Variants in CDH18 observed in about 807,000 individuals in gnomAD.
CDH18 encodes the protein cadherin-18.
CDH18 carries 31 observed loss-of-function variants against 67.9 expected under a neutral mutation model. The ratio of observed to expected loss-of-function variants is 0.46; its 90% CI spans 0.34 to 0.62. The LOEUF (loss-of-function observed/expected upper bound fraction) is 0.62. Ranked by LOEUF, CDH18 falls within the 20% of genes least tolerant of loss-of-function variation. CDH18 has a pLI of 0.01. For synonymous variants in CDH18, 362 were observed against 347.2 expected (o/e 1.04, Z -0.48); for missense variants, 890 against 975.5 (o/e 0.91, Z 1.17).
chr5:20,023,583 C>T (rs1002652866), intron 2 of CDH18, among the ~76,000 whole-genome samples: 4 of 149,400 alleles, frequency 2.7e-5, no homozygotes, highest in Non-Finnish European at 5.9e-5. Flanking sequence ...GGCGTGAACC[C>T]GGGAGGCGGA....
Position 20,382,843 on chromosome 5 carries a change from T to G in CDH18, c.-579-127338A>C, listed in dbSNP as rs556719805. ...ATTGTAACTACAGTGTGGACTGTTTTTTTCTCCACAGCTATCAACACCTTA... is the reference window on the plus strand; with the variant it reads ...ATTGTAACTACAGTGTGGACTGTTTGTTTCTCCACAGCTATCAACACCTTA... On this transcript the variant is annotated intron_variant, in intron 1 of 14. Coordinates refer to the CDH18 transcript ENST00000507958. Among the ~76,000 whole-genome samples, 32 of 152,262 alleles carry G rather than the reference T, an allele frequency of 2.1e-4. 1 individual carries two copies. The highest frequency in any genetic ancestry group is 4.4e-4 in the Non-Finnish European group (30 of 68,000).
chr5:20,543,686 G>A (rs1371217788), intron 1 of CDH18, among the ~76,000 whole-genome samples: 2 of 151,998 alleles, frequency 1.3e-5, no homozygotes, highest in African/African-American at 4.8e-5. Context: ...CTAAATATGT[G>A]CAAAGATGTA....
At chr5:19,628,703 A>G (rs970247450) in intron 5 of CDH18, among the ~76,000 whole-genome samples, 2 of 152,064 alleles carry the variant, frequency 1.3e-5, no homozygotes, top group African/African-American at 4.8e-5. Context: ...CAGAGACTCA[A>G]GCAGACATAT....
chr5:20,073,016 AC>A lies in CDH18; in HGVS notation c.-517-81003del, dbSNP rs142561657. Among the ~76,000 whole-genome samples the A allele has an allele frequency of 6.4e-3, 968 of 152,084 alleles. 18 individuals carry two copies. The highest frequency in any genetic ancestry group is 0.021 in the African/African-American group (871 of 41,560). The stretch of plus-strand genomic sequence containing the variant: ...CAGAAATAGGGTCATTAGCTCTTAA[AC>A]ATATTTCTTAGTGTTTTTCTCATTA... On this transcript the variant is annotated intron_variant, in intron 2 of 14. Transcript: ENST00000507958.
chr5:19,760,607 A>G (rs1483484103), intron 3 of CDH18, among the ~76,000 whole-genome samples: 1 of 152,106 alleles, frequency 6.6e-6, no homozygotes, highest in Non-Finnish European at 1.5e-5. Flanking sequence ...TCCTTCCACC[A>G]TTATCCCACA....
chr5:19,746,480 G>A (rs1770012902), intron 4 of CDH18, among the ~76,000 whole-genome samples: 1 of 152,180 alleles, frequency 6.6e-6, no homozygotes, highest in African/African-American at 2.4e-5. Context: ...ATTGATTAAT[G>A]TAGCAACAGC....
intron 10 of CDH18, among the ~76,000 whole-genome samples, chr5:19,512,553 T>C (rs1745287127): frequency 6.6e-6 from 1 of 152,156 alleles, no homozygotes; most frequent in Non-Finnish European, 1.5e-5. Flanking sequence ...GCAAATGGTC[T>C]AGTGTTTCAA....
At chr5:20,366,664 C>A (rs183759025) in intron 1 of CDH18, among the ~76,000 whole-genome samples, 2 of 152,260 alleles carry the variant, frequency 1.3e-5, no homozygotes, top group Admixed American at 1.3e-4. Context: ...AATAATAATT[C>A]ATCAACAGAG....
chr5:20,026,960 T>TA (rs1213316442), intron 2 of CDH18, among the ~76,000 whole-genome samples: 1,686 of 135,234 alleles, frequency 0.012, 38 homozygotes, highest in African/African-American at 0.044. Flanking sequence ...GTTTCAAACA[T>TA]AAAAAAAAAA....
At chr5:19,765,086 C>T (rs552642968) in intron 3 of CDH18, among the ~76,000 whole-genome samples, 2 of 152,246 alleles carry the variant, frequency 1.3e-5, no homozygotes, top group South Asian at 4.1e-4. Flanking sequence ...ATTTCTATAC[C>T]TTTATTCAGC....
chr5:19,483,944 T>C (rs895893012), intron 11 of CDH18, among the ~76,000 whole-genome samples: 2 of 152,266 alleles, frequency 1.3e-5, no homozygotes, highest in Middle Eastern at 3.4e-3. Context: ...ATATAGGTAA[T>C]AGGAGCACAA....
intron 5 of CDH18, among the ~76,000 whole-genome samples, chr5:19,711,090 T>C (rs971560520): frequency 1.3e-5 from 2 of 151,940 alleles, no homozygotes; most frequent in African/African-American, 4.8e-5. Flanking sequence ...TCATTATATA[T>C]AAAAATTATC....
chr5:20,089,537 T>C (rs988266984), intron 2 of CDH18, among the ~76,000 whole-genome samples: 2 of 152,148 alleles, frequency 1.3e-5, no homozygotes, highest in Non-Finnish European at 2.9e-5. Context: ...CATTTTGACT[T>C]AGATAGATTA....
In CDH18 at chr5:19,745,543, A is replaced by C. The variant is rs559146980; in HGVS notation, c.523+1399T>G. Among the ~76,000 whole-genome samples, 7 of 152,324 alleles carry C rather than the reference A, an allele frequency of 4.6e-5. No individual in the cohort carries two copies. In the South Asian group the frequency reaches 1.2e-3, roughly 27 times the overall value. On this transcript the variant is annotated intron_variant, in intron 4 of 12. Coordinates refer to ENST00000382275, the MANE Select transcript of CDH18 (RefSeq NM_004934.5). ...AGAGGAGATTAGGTTTGTGGGTATC[A>C]GTTCCTTGATGTGGCAGAGAGAATT...
In CDH18 at chr5:19,708,527, C is replaced by A. The variant is rs186492852; in HGVS notation, c.643+12820G>T. On this transcript the variant is annotated intron_variant, in intron 5 of 12. Transcript: ENST00000382275. The stretch of plus-strand genomic sequence containing the variant: ...CCCCAAAACTGGCCATAAACAAAAT[C>A]TCTGCAGCACTGTGACATACTCCTG... Among the ~76,000 whole-genome samples, 1,016 of 152,260 alleles carry A rather than the reference C, an allele frequency of 6.7e-3. 15 individuals are homozygous for A. Among genetic ancestry groups the A allele is most frequent in the African/African-American group, 0.023 (962 of 41,552 alleles).
At chr5:20,360,136 T>C (rs956175889) in intron 1 of CDH18, among the ~76,000 whole-genome samples, 1 of 80,002 alleles carries the variant, frequency 1.2e-5, no homozygotes, top group Non-Finnish European at 3.1e-5. Flanking sequence ...TTATATATAA[T>C]TCTATAATAT....
Position 19,824,032 on chromosome 5 carries a change from G to A in CDH18, c.228+14727C>T, listed in dbSNP as rs151235248. Among the ~76,000 whole-genome samples the A allele has an allele frequency of 4.2e-3, 631 of 149,636 alleles. 2 individuals are homozygous for A. The highest frequency in any genetic ancestry group is 6.3e-3 in the Non-Finnish European group (422 of 67,244). The stretch of plus-strand genomic sequence containing the variant: ...CTTAACATCACAACTAGGGGAAATA[G>A]AAATACAAAAAAAAATAAAAAATAA... On this transcript the variant is annotated intron_variant, in intron 3 of 12. Coordinates refer to ENST00000382275, the MANE Select transcript of CDH18 (RefSeq NM_004934.5).
chr5:19,922,728 A>T (rs538772224), intron 2 of CDH18, among the ~76,000 whole-genome samples: 1 of 152,148 alleles, frequency 6.6e-6, no homozygotes, highest in Non-Finnish European at 1.5e-5. Flanking sequence ...TAATTTTACT[A>T]ACCTTTGAGA....
Position 19,735,045 on chromosome 5 carries a change from C to T in CDH18, c.523+11897G>A, listed in dbSNP as rs555983525. 2.6e-5 allele frequency among the ~76,000 whole-genome samples: 4 copies of T among 152,104 alleles called. No homozygotes were observed. The South Asian group carries it at 6.2e-4, about 24-fold the overall frequency. On this transcript the variant is annotated intron_variant, in intron 4 of 12. Transcript: ENST00000382275. ...GAGGCAAATGCTGCTGAGTCACTACCCTCCATAACACAGGTGAGTGTTTGC... is the reference window on the plus strand; with the variant it reads ...GAGGCAAATGCTGCTGAGTCACTACTCTCCATAACACAGGTGAGTGTTTGC...
Sources: allele counts gnomAD v4.1 joint callset (sites outside exome capture counted in the v4.1 genomes callset), GRCh38; gene constraint gnomAD v4.1.1; transcripts MANE v1.5; gene names NCBI Gene and HGNC (gene_info 2026-07-23, HGNC 2026-07-21).